Variants in CAMTA1 observed in about 807,000 individuals in gnomAD.
CAMTA1 encodes calmodulin-binding transcription activator 1.
In CAMTA1, 27 loss-of-function variants were observed where a neutral mutation model predicts 170.9. That is an observed-to-expected ratio of 0.16 (90% CI 0.12 to 0.22). The LOEUF (loss-of-function observed/expected upper bound fraction) is 0.22, where lower values mean the gene tolerates loss of function less well. CAMTA1 is among the 10% of genes least tolerant of loss of function. CAMTA1 has a pLI of 1.00. For missense variants in CAMTA1, 1,619 were observed against 2,217.2 expected (o/e 0.73, Z 5.42); for synonymous variants, 833 against 891.5 (o/e 0.93, Z 1.17).
At chr1:7,441,085 C>T (rs1241822968) in intron 5 of CAMTA1, 4 of 152,220 alleles carry the variant, frequency 2.6e-5, no homozygotes, top group African/African-American at 9.6e-5. Context: ...CCCAAGTGCT[C>T]ACCTTCTGTG....
At chr1:7,460,584 G>A (rs2093060584) in intron 5 of CAMTA1, among the ~76,000 whole-genome samples, 1 of 128,382 alleles carries the variant, frequency 7.8e-6, no homozygotes, top group South Asian at 2.5e-4. Context: ...CGTTCTGGAG[G>A]CTGTGACTGC....
At chr1:7,011,075 G>C (rs1699705925) in intron 3 of CAMTA1, among the ~76,000 whole-genome samples, 1 of 152,226 alleles carries the variant, frequency 6.6e-6, no homozygotes, top group South Asian at 2.1e-4. Context: ...GTCGTGCGTG[G>C]GAGCTCTGCT....
intron 4 of CAMTA1, among the ~76,000 whole-genome samples, chr1:7,222,233 G>A (rs1008439058): frequency 4.6e-5 from 7 of 152,146 alleles, no homozygotes; most frequent in Admixed American, 3.9e-4. Flanking sequence ...CAGACAGGCC[G>A]TGGGACCCTG....
chr1:7,236,084 T>C (rs1039638487), intron 4 of CAMTA1, among the ~76,000 whole-genome samples: 2 of 152,160 alleles, frequency 1.3e-5, no homozygotes, highest in Non-Finnish European at 2.9e-5. Flanking sequence ...GGACACGGAA[T>C]GCTTGTAACC....
intron 4 of CAMTA1, among the ~76,000 whole-genome samples, chr1:7,156,161 G>T (rs1165138748): frequency 6.6e-6 from 1 of 151,520 alleles, no homozygotes; most frequent in African/African-American, 2.4e-5. Context: ...GTGATCCCAG[G>T]TACTTGGGAG....
intron 5 of CAMTA1, among the ~76,000 whole-genome samples, chr1:7,424,280 A>G (rs2091752727): frequency 6.6e-6 from 1 of 152,142 alleles, no homozygotes. Context: ...CATTTTTTAA[A>G]AGAAACCAAA....
intron 6 of CAMTA1, among the ~76,000 whole-genome samples, chr1:7,557,924 G>T (rs1317742453): frequency 6.6e-6 from 1 of 152,216 alleles, no homozygotes; most frequent in Non-Finnish European, 1.5e-5. Flanking sequence ...AGCGGGGTGG[G>T]GGCAAGTCTG....
Position 7,191,808 on chromosome 1 carries a change from A to T in CAMTA1, c.303-57683A>T, listed in dbSNP as rs1009019136. On this transcript the variant is annotated intron_variant, in intron 4 of 22. Transcript: ENST00000303635. ...GCAGTCCCCAGGAATAAGCTTCCTG[A>T]GGAGACATTAGGCCTTGTGTTATTT... Among the ~76,000 whole-genome samples, 7 of 152,310 alleles carry T rather than the reference A, an allele frequency of 4.6e-5. No individual in the cohort carries two copies. The South Asian group carries it at 1.0e-3, about 23-fold the overall frequency.
In CAMTA1 at chr1:7,443,043, G is replaced by A. The variant is rs534898316; in HGVS notation, c.439-24787G>A. On this transcript the variant is annotated intron_variant, in intron 5 of 22. Transcript: ENST00000303635. This position sits in a 1 kb window ranked among gnomAD's most constrained non-coding sequence, Gnocchi z 4.1. Reference sequence around the variant, plus strand: ...TTCTTCCTGCCTGTGGTCTCTCCTTGCCCCTGCGCAGATCCTCCTCCTGAC... The same window carrying A: ...TTCTTCCTGCCTGTGGTCTCTCCTTACCCCTGCGCAGATCCTCCTCCTGAC... 6.6e-6 allele frequency among the ~76,000 whole-genome samples: 1 copy of A among 152,180 alleles called. No homozygotes were observed. The highest frequency in any genetic ancestry group is 2.1e-4 in the South Asian group (1 of 4,818).
At chr1:7,267,439 A>G (rs1293473067) in intron 5 of CAMTA1, among the ~76,000 whole-genome samples, 1 of 152,184 alleles carries the variant, frequency 6.6e-6, no homozygotes. Context: ...TTCTGGGTCA[A>G]TGATTCTGCA....
intron 4 of CAMTA1, among the ~76,000 whole-genome samples, chr1:7,245,797 G>A (rs1478332324): frequency 4.6e-5 from 7 of 152,158 alleles, no homozygotes; most frequent in Non-Finnish European, 8.8e-5. Context: ...CCGAGATGAA[G>A]ACTTGAGTGT....
chr1:7,110,339 A>G (rs1643944085), intron 4 of CAMTA1, among the ~76,000 whole-genome samples: 1 of 151,978 alleles, frequency 6.6e-6, no homozygotes, highest in Non-Finnish European at 1.5e-5. Flanking sequence ...AGCTTAATAG[A>G]CATCGATTTG....
intron 3 of CAMTA1, among the ~76,000 whole-genome samples, chr1:6,849,705 A>C (rs886450900): frequency 1.3e-5 from 2 of 152,010 alleles, no homozygotes; most frequent in African/African-American, 4.8e-5. Flanking sequence ...TGTTTATTTA[A>C]ATGGACATTT....
At chr1:7,028,508 A>C (rs1180495961) in intron 3 of CAMTA1, among the ~76,000 whole-genome samples, 1 of 152,184 alleles carries the variant, frequency 6.6e-6, no homozygotes, top group South Asian at 2.1e-4. Context: ...CTATGATTTG[A>C]TTTCCTGCAT....
rs1263313449 is a variant in CAMTA1, at chr1:7,508,907, T to C, written c.510+41006T>C. ...TCTTGATTTCTGCAACTCACTCAGCTAATGAGGAAGAAAGGGAAGGCCCCT... is the reference window on the plus strand; with the variant it reads ...TCTTGATTTCTGCAACTCACTCAGCCAATGAGGAAGAAAGGGAAGGCCCCT... On this transcript the variant is annotated intron_variant, in intron 6 of 22. Transcript: ENST00000303635. Among the ~76,000 whole-genome samples, 8 of 152,144 alleles carry C rather than the reference T, an allele frequency of 5.3e-5. No individual in the cohort carries two copies. In the East Asian group the frequency reaches 1.5e-3, roughly 29 times the overall value.
chr1:7,141,573 G>A (rs1645891523), intron 4 of CAMTA1, among the ~76,000 whole-genome samples: 1 of 152,186 alleles, frequency 6.6e-6, no homozygotes, highest in Non-Finnish European at 1.5e-5. Flanking sequence ...GGATTCCCCA[G>A]GGCTGGCTCT....
chr1:6,785,864 G>A (rs1639096718), intron 1 of CAMTA1, among the ~76,000 whole-genome samples: 1 of 147,034 alleles, frequency 6.8e-6, no homozygotes, highest in Non-Finnish European at 1.5e-5. Flanking sequence ...CGGGCCCAGC[G>A]AGGAGGAGGA....
chr1:6,813,980 T>G (rs1645488297), intron 1 of CAMTA1, among the ~76,000 whole-genome samples: 1 of 152,218 alleles, frequency 6.6e-6, no homozygotes, highest in Non-Finnish European at 1.5e-5. Flanking sequence ...AGGGGCTGGT[T>G]ATTAATTTAT....
At chr1:7,357,713 C>T (rs1384661550) in intron 5 of CAMTA1, among the ~76,000 whole-genome samples, 1 of 152,096 alleles carries the variant, frequency 6.6e-6, no homozygotes, top group African/African-American at 2.4e-5. Context: ...TACAGATGTC[C>T]TCGTCCATGT....
Sources: gnomAD v4.1 joint callset for allele counts (sites outside exome capture counted in the v4.1 genomes callset) on GRCh38, gnomAD v4.1.1 for gene constraint, Gnocchi (gnomAD v3.1) non-coding constraint, MANE v1.5 for transcripts, NCBI Gene and HGNC (gene_info 2026-07-23, HGNC 2026-07-21) for gene names.